Variants in TMEM245 observed in about 807,000 individuals in gnomAD.
TMEM245 encodes protein CG-2.
TMEM245 carries 69 observed loss-of-function variants against 101.2 expected under a neutral mutation model. The observed-to-expected ratio is 0.68, with a 90% CI of 0.56 to 0.83. The LOEUF (loss-of-function observed/expected upper bound fraction) is 0.83, where lower values mean the gene tolerates loss of function less well. Ranked by LOEUF, TMEM245 falls within the 40% of genes least tolerant of loss-of-function variation. The pLI, the probability that TMEM245 is intolerant of heterozygous loss-of-function variation, is 0.00. For missense variants in TMEM245, 1,075 were observed against 1,092.8 expected (o/e 0.98, Z 0.23); for synonymous variants, 537 against 449.8 (o/e 1.19, Z -2.45).
intron 17 of TMEM245, among the ~76,000 whole-genome samples, chr9:109,027,270 C>T (rs1275278431): frequency 6.6e-6 from 1 of 152,092 alleles, no homozygotes; most frequent in Non-Finnish European, 1.5e-5. Context: ...CCTCTGATAT[C>T]CTCACCCCAC....
chr9:109,033,313 G>C lies in TMEM245; in HGVS notation c.2588C>G (p.Pro863Arg), dbSNP rs372954204. ...TTATTCTGCTTTAACTCACCGCTGA[G>C]GCTGAGCAGGCCATGGGGTCTGGTT... ...TPNQTPWPAQ[P>R]QRTFRDISED... The change falls in exon 17 of 18, where the codon CCT becomes CGT. Residue 863 changes from proline to arginine, a missense_variant. Pro to Arg is a moderately radical substitution (Grantham distance 103). Transcript: ENST00000374586. The C allele has an allele frequency of 1.2e-6, 2 of 1,607,630 alleles. No homozygotes were observed. The highest frequency in any genetic ancestry group is 1.3e-5 in the African/African-American group (1 of 74,756).
chr9:109,087,067 A>T, intron 6 of TMEM245, 106 bp downstream of exon 6: 1 of 937,886 alleles, frequency 1.1e-6, no homozygotes, highest in Non-Finnish European at 1.5e-6. Flanking sequence ...ATTAGATATT[A>T]CATGTGTTAT....
chr9:109,087,111 A>T, intron 6 of TMEM245, 62 bp downstream of exon 6: 1 of 1,449,328 alleles, frequency 6.9e-7, no homozygotes, highest in Non-Finnish European at 9.2e-7. Flanking sequence ...TAGAATGGAA[A>T]AGTTCAAACC....
rs566889570 is a variant in TMEM245 at position 109,102,193 on chromosome 9, G to A, written c.799+4315C>T. On this transcript the variant is annotated intron_variant, in intron 3 of 17. Coordinates refer to ENST00000374586, the MANE Select transcript of TMEM245 (RefSeq NM_032012.4). Reference sequence around the variant, plus strand: ...CACTAGTCAGATATATAACCACAGAGTCTAACAGATTATAACCAGGAAGAC... The same window carrying A: ...CACTAGTCAGATATATAACCACAGAATCTAACAGATTATAACCAGGAAGAC... Among the ~76,000 whole-genome samples the A allele has an allele frequency of 1.8e-4, 27 of 152,214 alleles. No individual in the cohort carries two copies. The South Asian group carries it at 4.6e-3, about 26-fold the overall frequency.
At chr9:109,114,735 A>C (rs1285203353) in intron 1 of TMEM245, among the ~76,000 whole-genome samples, 1 of 152,192 alleles carries the variant, frequency 6.6e-6, no homozygotes, top group African/African-American at 2.4e-5. Flanking sequence ...AATGCCCCCC[A>C]ACAGAGAGGA....
At chr9:109,099,839 G>A (rs1413190456) in intron 3 of TMEM245, among the ~76,000 whole-genome samples, 6 of 152,138 alleles carry the variant, frequency 3.9e-5, no homozygotes, top group East Asian at 1.9e-4. Flanking sequence ...CCTTTAAGAG[G>A]TGATTAGGCC....
chr9:109,091,523 C>T (rs957182983), intron 4 of TMEM245, among the ~76,000 whole-genome samples: 7 of 152,120 alleles, frequency 4.6e-5, no homozygotes, highest in Admixed American at 2.0e-4. Flanking sequence ...TTAAAAATCC[C>T]TTTTCTTTCA....
In TMEM245 at chr9:109,087,222, G is replaced by A; in HGVS notation, c.1271C>T (p.Pro424Leu). Residue 424 changes from proline (P) to leucine (L), a missense_variant, in exon 6 of 18, where the codon CCT becomes CTT. Pro to Leu is a moderately conservative substitution (Grantham distance 98, BLOSUM62 -3). Around this residue, in one of 2 missense-constraint regions of TMEM245, gnomAD observed 808 missense variants for 741.5 expected, o/e 1.09. Coordinates refer to ENST00000374586, the MANE Select transcript of TMEM245 (RefSeq NM_032012.4). ...FLKERQGALA[P>L]WPIVGLGKFL... ...TTTTCCAAGCCCGACAATGGGCCAA[G>A]GCGCGAGAGCTCCCTGCCGCTCCTT... 6.2e-7 allele frequency: 1 copy of A among 1,613,312 alleles called. No individual in the cohort carries two copies. Among genetic ancestry groups the A allele is most frequent in the Middle Eastern group, 1.6e-4 (1 of 6,062 alleles).
intron 1 of TMEM245, 150 bp from the exon 2 acceptor site, chr9:109,108,720 G>T: frequency 2.0e-6 from 1 of 501,522 alleles, no homozygotes; most frequent in East Asian, 3.1e-5. Context: ...AACGTACCTA[G>T]GTTCTCCTCG....
At chr9:109,087,378 T>C in intron 5 of TMEM245, 36 bp from the exon 6 acceptor site, 3 of 1,528,626 alleles carry the variant, frequency 2.0e-6, no homozygotes, top group Non-Finnish European at 2.6e-6. Flanking sequence ...ATAAACAAAA[T>C]ATAGATTAAC....
chr9:109,119,665 C>T lies in TMEM245; in HGVS notation c.249G>A (p.Pro83=), dbSNP rs762389117. Residue 83 remains proline, a synonymous_variant, in exon 1 of 18, where the codon CCG becomes CCA. Coordinates refer to ENST00000374586, the MANE Select transcript of TMEM245 (RefSeq NM_032012.4). ...VYFILEAFLR[P]LLWAVLCGTF... The stretch of plus-strand genomic sequence containing the variant: ...TGCCGCATAGCACGGCCCAGAGCAG[C>T]GGCCGCAGGAAGGCCTCCAGGATGA... 2 of 1,555,962 alleles carry T rather than the reference C, an allele frequency of 1.3e-6. No homozygotes were observed. Among genetic ancestry groups the T allele is most frequent in the Non-Finnish European group, 1.7e-6 (2 of 1,152,656 alleles).
intron 5 of TMEM245, among the ~76,000 whole-genome samples, chr9:109,088,247 C>A (rs1056276724): frequency 6.6e-6 from 1 of 152,114 alleles, no homozygotes; most frequent in African/African-American, 2.4e-5. Context: ...GTGTTACACA[C>A]AAGTTCAACA....
At chr9:109,047,671 A>G (rs1281698477) in intron 14 of TMEM245, among the ~76,000 whole-genome samples, 1 of 152,244 alleles carries the variant, frequency 6.6e-6, no homozygotes, top group Non-Finnish European at 1.5e-5. Flanking sequence ...ACAAGAGAAA[A>G]TTCAAAAGCT....
intron 17 of TMEM245, among the ~76,000 whole-genome samples, chr9:109,026,391 C>A (rs1827789964): frequency 6.6e-6 from 1 of 151,906 alleles, no homozygotes; most frequent in African/African-American, 2.4e-5. Flanking sequence ...GATGAACTGA[C>A]ATTTGAACTG....
rs757171817 is a variant in TMEM245 at position 109,057,178 on chromosome 9, T to A, written c.1854+13A>T. 6.2e-7 allele frequency: 1 copy of A among 1,611,224 alleles called. No individual in the cohort carries two copies. The highest frequency in any genetic ancestry group is 2.2e-5 in the East Asian group (1 of 44,814). ...TTTTGAACTTCAGCTTAACTATAAA[T>A]GCTATTTCTTACCGAAAGAAATGTC... is the stretch of plus-strand genomic sequence containing the variant. On this transcript the variant is annotated intron_variant, in intron 12 of 17. Transcript: ENST00000374586.
intron 11 of TMEM245, among the ~76,000 whole-genome samples, chr9:109,059,569 C>G (rs1162474891): frequency 6.6e-6 from 1 of 152,130 alleles, no homozygotes; most frequent in East Asian, 1.9e-4. Context: ...GTAATCCCAG[C>G]TACTCAGGAG....
chr9:109,050,957 A>T (rs1462761861), intron 12 of TMEM245, among the ~76,000 whole-genome samples: 2 of 152,110 alleles, frequency 1.3e-5, no homozygotes, highest in African/African-American at 4.8e-5. Context: ...AAAATATTTT[A>T]CAATGAAATG....
chr9:109,118,594 C>T (rs1180692454), intron 1 of TMEM245, among the ~76,000 whole-genome samples: 1 of 152,226 alleles, frequency 6.6e-6, no homozygotes, highest in Non-Finnish European at 1.5e-5. Flanking sequence ...ATCCAAGCAT[C>T]ACAAATCTAC....
chr9:109,104,618 G>A (rs1485176243), intron 3 of TMEM245, among the ~76,000 whole-genome samples: 1 of 152,160 alleles, frequency 6.6e-6, no homozygotes, highest in African/African-American at 2.4e-5. Context: ...AACAAAGTTG[G>A]AGAACTCACA....
Sources: allele counts gnomAD v4.1 joint callset (sites outside exome capture counted in the v4.1 genomes callset), GRCh38; gene constraint gnomAD v4.1.1; regional missense constraint gnomAD v4.1.1; transcripts MANE v1.5; gene names NCBI Gene and HGNC (gene_info 2026-07-23, HGNC 2026-07-21).